Variants in XRCC4 observed in about 807,000 individuals in gnomAD.
XRCC4 encodes DNA repair protein XRCC4.
XRCC4 carries 28 observed loss-of-function variants against 39.1 expected under a neutral mutation model. The observed-to-expected ratio is 0.72, with a 90% CI of 0.53 to 0.98. The LOEUF is 0.98. Among genes scored for constraint, XRCC4 ranks in the 50% least tolerant of loss-of-function variants. The probability of loss-of-function intolerance (pLI) is 0.00; values close to 1 mark genes in which losing one functional copy is unlikely to be tolerated. For synonymous variants in XRCC4, 123 were observed against 126.4 expected, an observed-to-expected ratio of 0.97 and a Z score of 0.18; for missense variants, 350 against 376.4, an observed-to-expected ratio of 0.93 and a Z score of 0.58.
chr5:83,191,426 C>T (rs567812408), intron 3 of XRCC4, among the ~76,000 whole-genome samples: 132 of 152,268 alleles, frequency 8.7e-4, no homozygotes, highest in African/African-American at 2.9e-3. Context: ...CAGGAGTGTC[C>T]GGGCACAGTG....
At chr5:83,130,569 G>A (rs1360962988) in intron 3 of XRCC4, among the ~76,000 whole-genome samples, 4 of 152,064 alleles carry the variant, frequency 2.6e-5, no homozygotes, top group Non-Finnish European at 5.9e-5. Context: ...TGTACCTCTG[G>A]TAGAATTCAG....
intron 5 of XRCC4, 33 bp from the exon 6 acceptor site, chr5:83,204,782 G>A (rs1308077046): frequency 6.4e-7 from 1 of 1,563,272 alleles, no homozygotes. Context: ...GGGTGAGCCA[G>A]TTATTTATAA....
chr5:83,211,117 C>T (rs989917648), intron 6 of XRCC4, among the ~76,000 whole-genome samples: 5 of 152,262 alleles, frequency 3.3e-5, no homozygotes, highest in African/African-American at 1.2e-4. Context: ...CCAAACATGG[C>T]CAAAGGCAAA....
chr5:83,184,691 C>G (rs1034979201), intron 3 of XRCC4, among the ~76,000 whole-genome samples: 5 of 152,138 alleles, frequency 3.3e-5, no homozygotes, highest in African/African-American at 1.2e-4. Context: ...TATTTGCTTA[C>G]TCACTGTTTC....
At chr5:83,090,344 T>TGGG (rs35755257) in intron 1 of XRCC4, among the ~76,000 whole-genome samples, 14 of 149,928 alleles carry the variant, frequency 9.3e-5, no homozygotes, top group African/African-American at 3.5e-4. Flanking sequence ...GTGGTGGGGT[T>TGGG]GGGGGGGGCT....
chr5:83,101,097 T>C (rs1334729103), intron 1 of XRCC4, among the ~76,000 whole-genome samples: 2 of 152,128 alleles, frequency 1.3e-5, no homozygotes, highest in Non-Finnish European at 2.9e-5. Context: ...TACTTTATAA[T>C]GTTTTTTTAA....
the XRCC4 span, among the ~76,000 whole-genome samples, chr5:83,373,206 C>T: frequency 6.6e-6 from 1 of 152,028 alleles, no homozygotes; most frequent in Non-Finnish European, 1.5e-5. Flanking sequence ...TCCGTCTGCC[C>T]TTCTTTGCTT....
At chr5:83,303,781 C>T (rs1029140198) in intron 7 of XRCC4, among the ~76,000 whole-genome samples, 1 of 152,030 alleles carries the variant, frequency 6.6e-6, no homozygotes, top group African/African-American at 2.4e-5. Context: ...GAAGAAAGAT[C>T]TAAGATAATG....
chr5:83,166,989 C>T (rs975117580), intron 3 of XRCC4, among the ~76,000 whole-genome samples: 7 of 151,926 alleles, frequency 4.6e-5, no homozygotes, highest in Admixed American at 2.0e-4. Context: ...TCAAACAATT[C>T]TCCTGCCTCA....
Position 83,220,190 on chromosome 5 carries a change from C to T in XRCC4, c.745+15269C>T, listed in dbSNP as rs185875010. On this transcript the variant is annotated intron_variant, in intron 6 of 7. Coordinates refer to ENST00000396027, the MANE Select transcript of XRCC4 (RefSeq NM_003401.5). ...TTATAGTAAAACTGACTTAAGAATGCGTGGATCATTTATTTGTTTGTCCCA... is the reference window on the plus strand; with the variant it reads ...TTATAGTAAAACTGACTTAAGAATGTGTGGATCATTTATTTGTTTGTCCCA... 3.1e-3 allele frequency among the ~76,000 whole-genome samples: 469 copies of T among 152,152 alleles called. 2 individuals are homozygous for T. Among genetic ancestry groups the T allele is most frequent in the African/African-American group, 0.011 (448 of 41,536 alleles).
At chr5:83,146,901 G>C (rs1051747527) in intron 3 of XRCC4, among the ~76,000 whole-genome samples, 1 of 152,130 alleles carries the variant, frequency 6.6e-6, no homozygotes, top group African/African-American at 2.4e-5. Flanking sequence ...ATTTAATTTA[G>C]TCCACTGTGA....
chr5:83,109,163 G>A (rs929218690), intron 2 of XRCC4, among the ~76,000 whole-genome samples: 1 of 151,772 alleles, frequency 6.6e-6, no homozygotes, highest in African/African-American at 2.4e-5. Context: ...GAGACCAAAG[G>A]TATGAAAATG....
chr5:83,258,739 C>A, intron 7 of XRCC4, 62 bp downstream of exon 7: 1 of 1,524,360 alleles, frequency 6.6e-7, no homozygotes, highest in South Asian at 1.2e-5. Context: ...AGCATATGAT[C>A]TTAAAAATTA....
At chr5:83,262,856 T>TTTA (rs1554069836) in intron 7 of XRCC4, among the ~76,000 whole-genome samples, 4 of 148,942 alleles carry the variant, frequency 2.7e-5, no homozygotes, top group African/African-American at 1.0e-4. Flanking sequence ...TTTTTTTTTT[T>TTTA]TTATACTTTA....
intron 7 of XRCC4, among the ~76,000 whole-genome samples, chr5:83,313,763 T>G (rs974687700): frequency 6.6e-6 from 1 of 152,154 alleles, no homozygotes; most frequent in Non-Finnish European, 1.5e-5. Flanking sequence ...AACTTCTCAG[T>G]GAAGCTATTC....
At chr5:83,088,451 C>T (rs904990975) in intron 1 of XRCC4, among the ~76,000 whole-genome samples, 5 of 152,206 alleles carry the variant, frequency 3.3e-5, no homozygotes, top group African/African-American at 1.2e-4. Flanking sequence ...GGAATTTTTA[C>T]AACTGACGTT....
intron 7 of XRCC4, among the ~76,000 whole-genome samples, chr5:83,293,648 T>C (rs1223007450): frequency 6.6e-6 from 1 of 152,018 alleles, no homozygotes; most frequent in Non-Finnish European, 1.5e-5. Context: ...TTTATGTATG[T>C]GTCTTCCCTC....
At chr5:83,211,343 A>G (rs1421151829) in intron 6 of XRCC4, among the ~76,000 whole-genome samples, 1 of 152,338 alleles carries the variant, frequency 6.6e-6, no homozygotes, top group South Asian at 2.1e-4. Flanking sequence ...TTTGCAGCAG[A>G]GGGTGATACT....
rs567010006 is a variant in XRCC4 at position 83,194,007 on chromosome 5, C to G, written c.316-1763C>G. Among the ~76,000 whole-genome samples the G allele has an allele frequency of 1.0e-3, 156 of 152,232 alleles. 1 individual carries two copies. The highest frequency in any genetic ancestry group is 9.3e-3 in the South Asian group (45 of 4,822). ...GGAGTGCAGTGGCACAATCTAGGCT[C>G]ACTGCAACCTGTGTCTCGCGGTTCA... is the stretch of plus-strand genomic sequence containing the variant. On this transcript the variant is annotated intron_variant, in intron 3 of 7. Transcript: ENST00000396027.
Sources: allele counts gnomAD v4.1 joint callset (sites outside exome capture counted in the v4.1 genomes callset), GRCh38; gene constraint gnomAD v4.1.1; transcripts MANE v1.5; gene names NCBI Gene and HGNC (gene_info 2026-07-23, HGNC 2026-07-21).